ADK: variants seen among roughly 807,000 people sequenced by gnomAD.
ADK encodes N6,N6-dimethyladenosine kinase.
In ADK, 24 loss-of-function variants were observed where a neutral mutation model predicts 44.7. The ratio of observed to expected loss-of-function variants is 0.54; its 90% CI spans 0.39 to 0.76. The LOEUF (loss-of-function observed/expected upper bound fraction) is 0.76. Among genes scored for constraint, ADK ranks in the 30% least tolerant of loss-of-function variants. The pLI is 0.00. For missense variants in ADK, 321 were observed against 425.1 expected, an observed-to-expected ratio of 0.76 and a Z score of 2.15; for synonymous variants, 128 against 142.6, an observed-to-expected ratio of 0.90 and a Z score of 0.73.
In ADK at chr10:74,245,594, G is replaced by T. The variant is rs112712873; in HGVS notation, c.194+21003G>T. 9.9e-4 allele frequency among the ~76,000 whole-genome samples: 140 copies of T among 141,250 alleles called. No individual in the cohort carries two copies. In the Middle Eastern group the frequency reaches 0.011, roughly 11 times the overall value. 92.7% of individuals were successfully genotyped at this position (141,250 alleles called of 152,430 possible). A position where few individuals can be genotyped will look rare whatever the true frequency, so the allele number is the denominator to read the frequency against. ...TCCTCATTCCATAGTTTTTGTTTTT[G>T]TTTTTTTTTTTTTTGAGACAGAGTC... On this transcript the variant is annotated intron_variant, in intron 3 of 10. Transcript: ENST00000539909.
chr10:74,185,389 CAGAA>C (rs1842709217), intron 1 of ADK, among the ~76,000 whole-genome samples: 1 of 151,642 alleles, frequency 6.6e-6, no homozygotes, highest in African/African-American at 2.4e-5. Flanking sequence ...TGATGCTTGA[CAGAA>C]GGAAGAAATC....
At chr10:74,518,230 C>T (rs2133574113) in intron 6 of ADK, among the ~76,000 whole-genome samples, 1 of 152,326 alleles carries the variant, frequency 6.6e-6, no homozygotes, top group African/African-American at 2.4e-5. Context: ...TTATGTTCTT[C>T]AGAACAGACG....
At chr10:74,671,324 A>G (rs1215762731) in intron 10 of ADK, among the ~76,000 whole-genome samples, 5 of 151,710 alleles carry the variant, frequency 3.3e-5, no homozygotes, top group African/African-American at 1.2e-4. Context: ...CAGCCTCCCA[A>G]GCAGCTGGGA....
chr10:74,647,623 T>C (rs1854100770), intron 9 of ADK, among the ~76,000 whole-genome samples: 3 of 152,252 alleles, frequency 2.0e-5, no homozygotes, highest in Middle Eastern at 3.4e-3. Flanking sequence ...TTCTGACACA[T>C]GTATAGTTCT....
chr10:74,454,618 T>G (rs940685769), intron 6 of ADK, among the ~76,000 whole-genome samples: 2 of 152,196 alleles, frequency 1.3e-5, no homozygotes, highest in Admixed American at 6.5e-5. Context: ...CCTCCTGATA[T>G]GTACATGACT....
intron 7 of ADK, among the ~76,000 whole-genome samples, chr10:74,588,393 A>G (rs1389589947): frequency 6.6e-6 from 1 of 151,984 alleles, no homozygotes; most frequent in East Asian, 1.9e-4. Flanking sequence ...TCCCTTTTCT[A>G]CTTTACATTA....
chr10:74,157,551 G>C (rs961995519), intron 1 of ADK, among the ~76,000 whole-genome samples: 1 of 151,892 alleles, frequency 6.6e-6, no homozygotes, highest in Non-Finnish European at 1.5e-5. Flanking sequence ...TTGGAAGAAA[G>C]TACCCAGATG....
In ADK at chr10:74,398,496, G is replaced by A. The variant is rs1843596873; in HGVS notation, c.472G>A (p.Ala158Thr). The part of the protein sequence containing the change: ...NRSLIANLAA[A>T]NCYKKEKHLD... ...GTCCCTCATAGCTAATCTTGCTGCT[G>A]CCAATTGTTATAAAAAGGAAAAACA... The change falls in exon 6 of 11, where the codon GCC becomes ACC. Residue 158 changes from alanine (A) to threonine (T), a missense_variant. By Grantham distance (58) the Ala-to-Thr change is moderately conservative. Coordinates refer to ENST00000539909, the MANE Select transcript of ADK (RefSeq NM_006721.4). 1 of 1,611,252 alleles carries A rather than the reference G, an allele frequency of 6.2e-7. No homozygotes were observed. The highest frequency in any genetic ancestry group is 8.5e-7 in the Non-Finnish European group (1 of 1,178,194).
intron 9 of ADK, among the ~76,000 whole-genome samples, chr10:74,644,665 C>A (rs1171916318): frequency 1.3e-5 from 2 of 152,082 alleles, no homozygotes; most frequent in Admixed American, 1.3e-4. Context: ...TCCTGAGTAG[C>A]TAGGAGAACA....
At chr10:74,218,850 A>G (rs1052230334) in intron 2 of ADK, among the ~76,000 whole-genome samples, 2 of 152,218 alleles carry the variant, frequency 1.3e-5, no homozygotes, top group African/African-American at 4.8e-5. Flanking sequence ...GCCTGCCCTA[A>G]AAGAGCTCCT....
chr10:74,553,777 A>G (rs1254463958), intron 7 of ADK, among the ~76,000 whole-genome samples: 1 of 152,140 alleles, frequency 6.6e-6, no homozygotes, highest in Non-Finnish European at 1.5e-5. Flanking sequence ...CTTGTTTTGG[A>G]TAACCATTTA....
chr10:74,270,190 C>T (rs2132405563), intron 3 of ADK, among the ~76,000 whole-genome samples: 1 of 152,124 alleles, frequency 6.6e-6, no homozygotes, highest in South Asian at 2.1e-4. Flanking sequence ...TGTGCCTATG[C>T]CCCAAAGTGC....
chr10:74,393,353 T>C (rs1205875392), intron 4 of ADK, among the ~76,000 whole-genome samples: 1 of 152,160 alleles, frequency 6.6e-6, no homozygotes, highest in African/African-American at 2.4e-5. Flanking sequence ...TTATAAAAGG[T>C]AAAAAGTTCA....
rs546279080 is a variant in ADK at position 74,672,255 on chromosome 10, G to A, written c.964+1986G>A. 2.6e-5 allele frequency among the ~76,000 whole-genome samples: 4 copies of A among 152,270 alleles called. No individual in the cohort carries two copies. In the East Asian group the frequency reaches 7.7e-4, roughly 29 times the overall value. ...AGGCTTTGCAAGTCATATACAGGCT[G>A]TATTGCATATCTTCTTGTTTTGTTT... On this transcript the variant is annotated intron_variant, in intron 10 of 10. Coordinates refer to ENST00000539909, the MANE Select transcript of ADK (RefSeq NM_006721.4).
intron 2 of ADK, among the ~76,000 whole-genome samples, chr10:74,215,577 G>C (rs1843980159): frequency 6.6e-6 from 1 of 151,936 alleles, no homozygotes; most frequent in Admixed American, 6.6e-5. Context: ...TGCCTGCCTT[G>C]GCCTCCCAAA....
intron 3 of ADK, among the ~76,000 whole-genome samples, chr10:74,313,691 A>G (rs1168372490): frequency 2.6e-5 from 4 of 151,822 alleles, no homozygotes; most frequent in African/African-American, 9.7e-5. Flanking sequence ...AAATCTGACC[A>G]TATTTATGTT....
rs529564127 is a variant in ADK at position 74,436,168 on chromosome 10, C to T, written c.555+37589C>T. The stretch of plus-strand genomic sequence containing the variant: ...AGAAAGGAGGTGCATGGCAACAAAG[C>T]TCTATTGGAGTGAGTAAGAAAAGGA... On this transcript the variant is annotated intron_variant, in intron 6 of 10. Coordinates refer to ENST00000539909, the MANE Select transcript of ADK (RefSeq NM_006721.4). Among the ~76,000 whole-genome samples the T allele has an allele frequency of 1.8e-4, 28 of 152,214 alleles. 1 individual carries two copies. In the South Asian group the frequency reaches 3.7e-3, roughly 20 times the overall value.
intron 3 of ADK, among the ~76,000 whole-genome samples, chr10:74,297,030 C>T (rs1839842856): frequency 6.6e-6 from 1 of 152,166 alleles, no homozygotes; most frequent in African/African-American, 2.4e-5. Flanking sequence ...TAGGTTGTAG[C>T]TACCCAATGG....
chr10:74,261,172 C>G (rs1194464412), intron 3 of ADK, among the ~76,000 whole-genome samples: 6 of 152,094 alleles, frequency 3.9e-5, no homozygotes, highest in African/African-American at 1.2e-4. Flanking sequence ...ACATTACATT[C>G]ATTTGCTTAA....
Sources: gnomAD v4.1 joint callset for allele counts (sites outside exome capture counted in the v4.1 genomes callset) on GRCh38, gnomAD v4.1.1 for gene constraint, MANE v1.5 for transcripts, NCBI Gene and HGNC (gene_info 2026-07-23, HGNC 2026-07-21) for gene names.